The following SORL1 variants were observed in gnomAD, a reference collection of about 807,000 sequenced individuals.
The protein encoded by SORL1 is sortilin related receptor 1.
Under a neutral mutation model 273.7 loss-of-function variants are expected in SORL1, and 127 were observed. The observed-to-expected ratio is 0.46, with a 90% confidence interval of 0.40 to 0.54. SORL1 has a LOEUF of 0.54. Ranked by LOEUF, SORL1 falls within the 20% of genes least tolerant of loss-of-function variation. SORL1 has a pLI of 0.00. For synonymous variants in SORL1, 1,031 were observed against 1,067.4 expected (o/e 0.97, Z 0.66); for missense variants, 2,494 against 2,846.1 (o/e 0.88, Z 2.81).
chr11:121,603,438 T>A (rs1365130030), intron 32 of SORL1, among the ~76,000 whole-genome samples: 2 of 152,244 alleles, frequency 1.3e-5, no homozygotes, highest in East Asian at 3.8e-4. Flanking sequence ...CTTTTCTCTT[T>A]TCAGGAGCAT....
At chr11:121,540,429 C>T (rs930841386) in intron 12 of SORL1, among the ~76,000 whole-genome samples, 2 of 150,304 alleles carry the variant, frequency 1.3e-5, no homozygotes, top group African/African-American at 4.9e-5. Context: ...GTAATCCCAG[C>T]ACTCTGGGAG....
chr11:121,517,822 G>C (rs981262663), intron 8 of SORL1, among the ~76,000 whole-genome samples: 1 of 152,238 alleles, frequency 6.6e-6, no homozygotes, highest in Non-Finnish European at 1.5e-5. Context: ...ATACTCAGTT[G>C]AGTGATGTTT....
intron 21 of SORL1, 112 bp downstream of exon 21, chr11:121,559,769 G>A: frequency 5.9e-6 from 5 of 853,498 alleles, no homozygotes; most frequent in Admixed American, 2.6e-5. Flanking sequence ...TTGTTGTCAC[G>A]ACAACATGCA....
At chr11:121,502,124 C>CTTTTTT (rs57842880) in intron 6 of SORL1, among the ~76,000 whole-genome samples, 866 of 65,176 alleles carry the variant, frequency 0.013, 229 homozygotes, top group Non-Finnish European at 0.018. Flanking sequence ...TGTGACAATT[C>CTTTTTT]TTTTTTTTTT....
intron 41 of SORL1, among the ~76,000 whole-genome samples, chr11:121,617,329 A>G (rs1699097): frequency 0.98 from 150,025 of 152,350 alleles, 73,914 homozygotes; most frequent in East Asian, 1. Context: ...AACATGTTTT[A>G]GGGTAAAATA....
At chr11:121,481,323 G>A (rs1401782331) in intron 3 of SORL1, among the ~76,000 whole-genome samples, 1 of 124,030 alleles carries the variant, frequency 8.1e-6, no homozygotes, top group Non-Finnish European at 1.7e-5. Context: ...TCCTCCCCTA[G>A]TGCACAGATA....
rs867557085 is a variant in SORL1, at chr11:121,620,866, C to G, written c.5890-198C>G. Reference sequence around the variant, plus strand: ...TTAGTTGATAACTCTATGTGCAATTCTATGAGTGAATAGTTATTTTAAGAT... The same window carrying G: ...TTAGTTGATAACTCTATGTGCAATTGTATGAGTGAATAGTTATTTTAAGAT... On this transcript the variant is annotated intron_variant, in intron 43 of 47. Transcript: ENST00000260197. 2.6e-5 allele frequency among the ~76,000 whole-genome samples: 4 copies of G among 152,220 alleles called. No homozygotes were observed. In the South Asian group the frequency reaches 8.3e-4, roughly 32 times the overall value.
chr11:121,508,871 A>T (rs769096304), intron 6 of SORL1, among the ~76,000 whole-genome samples: 1 of 152,098 alleles, frequency 6.6e-6, no homozygotes, highest in Non-Finnish European at 1.5e-5. Flanking sequence ...GCTTTTATGG[A>T]TAAGTATATT....
chr11:121,576,866 C>A, intron 24 of SORL1: 1 of 1,535,576 alleles, frequency 6.5e-7, no homozygotes, highest in Non-Finnish European at 8.7e-7. Context: ...CCTCTCGGCA[C>A]TCCTTTTCTC....
chr11:121,600,261 G>A (rs1863368545), intron 32 of SORL1, among the ~76,000 whole-genome samples: 1 of 152,162 alleles, frequency 6.6e-6, no homozygotes, highest in African/African-American at 2.4e-5. Flanking sequence ...GGTCCCAAGA[G>A]GATCACCTAG....
At chr11:121,497,200 T>C (rs1336466800) in intron 6 of SORL1, 151 bp downstream of exon 6, 3 of 704,066 alleles carry the variant, frequency 4.3e-6, no homozygotes, top group Non-Finnish European at 7.1e-6. Flanking sequence ...TTGACAACAT[T>C]GACGAACATT....
chr11:121,584,515 T>TA (rs66818721), intron 26 of SORL1, among the ~76,000 whole-genome samples: 34,243 of 152,182 alleles, frequency 0.23, 5,171 homozygotes, highest in East Asian at 0.57. Context: ...TTTTCATACT[T>TA]ATACCTAATC....
At chr11:121,619,968 G>C (rs371598597) in intron 43 of SORL1, 51 bp downstream of exon 43, 17 of 1,477,650 alleles carry the variant, frequency 1.2e-5, no homozygotes, top group Admixed American at 1.7e-5. Context: ...GCCTGGTTAG[G>C]GTGGGGTGGG....
chr11:121,591,205 G>A (rs1045678568), intron 31 of SORL1, 49 bp downstream of exon 31: 4 of 1,597,742 alleles, frequency 2.5e-6, no homozygotes, highest in Non-Finnish European at 3.4e-6. Context: ...ATTGTGGAGA[G>A]GACCTTCTGG....
intron 9 of SORL1, among the ~76,000 whole-genome samples, chr11:121,521,857 C>G (rs1862045365): frequency 6.6e-6 from 1 of 152,192 alleles, no homozygotes; most frequent in Non-Finnish European, 1.5e-5. Flanking sequence ...ACATAGTCCT[C>G]CTGTGCAGAA....
At chr11:121,611,227 C>T in intron 39 of SORL1, 69 bp downstream of exon 39, 1 of 1,042,334 alleles carries the variant, frequency 9.6e-7, no homozygotes, top group Non-Finnish European at 1.4e-6. Context: ...AAGGACATAG[C>T]ACAGTAAGAC....
chr11:121,625,743 CTG>C (rs1447983713), intron 46 of SORL1, among the ~76,000 whole-genome samples: 2 of 152,166 alleles, frequency 1.3e-5, no homozygotes, highest in Non-Finnish European at 2.9e-5. Flanking sequence ...AAGCTTAGGA[CTG>C]GAATTTGTCC....
intron 32 of SORL1, among the ~76,000 whole-genome samples, chr11:121,598,548 A>G (rs1863336305): frequency 1.3e-5 from 2 of 152,186 alleles, no homozygotes; most frequent in African/African-American, 4.8e-5. Flanking sequence ...AAACCGGGGC[A>G]TTCTTGTCTT....
chr11:121,463,358 C>G (rs536823934), intron 1 of SORL1, among the ~76,000 whole-genome samples: 57 of 152,176 alleles, frequency 3.7e-4, no homozygotes, highest in African/African-American at 1.3e-3. Context: ...CCTCCCAAAA[C>G]AGCAAAGCAT....
Sources: allele counts gnomAD v4.1 joint callset (sites outside exome capture counted in the v4.1 genomes callset), GRCh38; gene constraint gnomAD v4.1.1; transcripts MANE v1.5; gene names NCBI Gene and HGNC (gene_info 2026-07-23, HGNC 2026-07-21).